The following FBP2 variants were observed in gnomAD, a reference collection of about 807,000 sequenced individuals.
FBP2 encodes fructose-bisphosphatase 2.
In FBP2, 27 loss-of-function variants were observed where a neutral mutation model predicts 31.6. The observed-to-expected ratio is 0.85, with a 90% CI of 0.63 to 1.18. The LOEUF is 1.18. FBP2 is among the 50% of genes most tolerant of loss of function. FBP2 has a pLI of 0.00. For missense variants in FBP2, 421 were observed against 436.1 expected, an observed-to-expected ratio of 0.97 and a Z score of 0.31; for synonymous variants, 168 against 179.8, an observed-to-expected ratio of 0.93 and a Z score of 0.53.
chr9:94,574,588 G>C (rs1827299102), intron 3 of FBP2, among the ~76,000 whole-genome samples: 1 of 151,956 alleles, frequency 6.6e-6, no homozygotes, highest in African/African-American at 2.4e-5. Context: ...GATTGTCATT[G>C]CCTTCTTATT....
intron 3 of FBP2, among the ~76,000 whole-genome samples, 168 bp from the exon 4 acceptor site, chr9:94,571,770 AGTTC>A (rs1392322450): frequency 6.6e-6 from 1 of 152,250 alleles, no homozygotes. Context: ...TGTTGCCAAC[AGTTC>A]TAGCTGAGCC....
intron 1 of FBP2, among the ~76,000 whole-genome samples, chr9:94,589,457 C>A (rs975025052): frequency 1.3e-5 from 2 of 152,230 alleles, no homozygotes; most frequent in African/African-American, 4.8e-5. Flanking sequence ...TGGCTTCCTG[C>A]TGCATGACCT....
rs201836322 is a variant in FBP2, at chr9:94,579,424, G to T, written c.426+5153C>A. 3.3e-3 allele frequency among the ~76,000 whole-genome samples: 473 copies of T among 141,800 alleles called. 5 individuals carry two copies. The highest frequency in any genetic ancestry group is 0.01 in the African/African-American group (399 of 39,854). 93.0% of individuals were successfully genotyped at this position (141,800 alleles called of 152,430 possible). A position where few individuals can be genotyped will look rare whatever the true frequency, so the allele number is the denominator to read the frequency against. On this transcript the variant is annotated intron_variant, in intron 3 of 6. Transcript: ENST00000375337. The stretch of plus-strand genomic sequence containing the variant: ...AAAAAAAAAAAAAAAAAAAAAAGTT[G>T]TATGGTAAATTCTTGTCCTAAAAAT...
chr9:94,586,212 T>G (rs1042950613), intron 2 of FBP2, among the ~76,000 whole-genome samples: 1 of 151,962 alleles, frequency 6.6e-6, no homozygotes, highest in African/African-American at 2.4e-5. Flanking sequence ...CCGTCTCTAC[T>G]AAAAACACAA....
At chr9:94,570,817 A>C (rs546608358) in intron 4 of FBP2, 5 of 152,198 alleles carry the variant, frequency 3.3e-5, no homozygotes, top group Non-Finnish European at 7.3e-5. Context: ...CATGTGCACT[A>C]ACACGTGAAC....
chr9:94,560,143 C>T (rs1450310060), intron 6 of FBP2, among the ~76,000 whole-genome samples: 1 of 152,110 alleles, frequency 6.6e-6, no homozygotes, highest in East Asian at 1.9e-4. Context: ...AGAAAGTGTC[C>T]AAGCAAGGCC....
chr9:94,593,703 T>C lies in FBP2; in HGVS notation c.24A>G (p.Glu8=), dbSNP rs189097557. 18 of 1,614,168 alleles carry C rather than the reference T, an allele frequency of 1.1e-5. No homozygotes were observed. In the African/African-American group the frequency reaches 2.4e-4, roughly 22 times the overall value. The change falls in exon 1 of 7, where the codon GAA becomes GAG. Residue 8 remains glutamate (E), a synonymous_variant. Coordinates refer to ENST00000375337, the MANE Select transcript of FBP2 (RefSeq NM_003837.4). The part of the protein sequence containing the change: MTDRSPF[E]TDMLTLTRYV... The stretch of plus-strand genomic sequence containing the variant: ...AGCGGGTCAGGGTGAGCATGTCGGT[T>C]TCGAAGGGGCTTCTGTCCGTCATTT...
intron 1 of FBP2, 104 bp from the exon 2 acceptor site, chr9:94,587,573 T>G: frequency 3.0e-6 from 3 of 1,002,354 alleles, no homozygotes; most frequent in Non-Finnish European, 4.6e-6. Flanking sequence ...TCTCGTTCTG[T>G]GTCTCTGGAG....
intron 1 of FBP2, among the ~76,000 whole-genome samples, chr9:94,592,614 A>G (rs974323913): frequency 6.6e-6 from 1 of 152,166 alleles, no homozygotes; most frequent in Admixed American, 6.5e-5. Flanking sequence ...GACTCACCGC[A>G]ACCTCCATCT....
intron 5 of FBP2, among the ~76,000 whole-genome samples, chr9:94,563,967 A>C (rs556905944): frequency 5.3e-5 from 8 of 152,178 alleles, no homozygotes; most frequent in African/African-American, 1.9e-4. Context: ...CACCTAACAC[A>C]GGGGCACCCA....
At chr9:94,589,057 T>C (rs1827462241) in intron 1 of FBP2, among the ~76,000 whole-genome samples, 1 of 152,206 alleles carries the variant, frequency 6.6e-6, no homozygotes, top group Non-Finnish European at 1.5e-5. Context: ...CCCAACATCT[T>C]ACTCGATGCA....
At chr9:94,562,148 A>G (rs898782614) in intron 6 of FBP2, among the ~76,000 whole-genome samples, 7 of 151,890 alleles carry the variant, frequency 4.6e-5, no homozygotes, top group Admixed American at 4.6e-4. Flanking sequence ...CGTCTCTACT[A>G]AAAATACAAA....
rs151329702 is a variant in FBP2 at position 94,560,457 on chromosome 9, G to A, written c.826-1325C>T. Among the ~76,000 whole-genome samples, 198 of 152,180 alleles carry A rather than the reference G, an allele frequency of 1.3e-3. 1 individual carries two copies. Among genetic ancestry groups the A allele is most frequent in the Middle Eastern group, 6.8e-3 (2 of 294 alleles). ...CCCATCACCTTAGATTCAGGGTGTCGTTCTGGCCGAGGCCCTGCTGCTGTG... is the reference window on the plus strand; with the variant it reads ...CCCATCACCTTAGATTCAGGGTGTCATTCTGGCCGAGGCCCTGCTGCTGTG... On this transcript the variant is annotated intron_variant, in intron 6 of 6. Transcript: ENST00000375337.
At chr9:94,579,995 A>G (rs950935806) in intron 3 of FBP2, among the ~76,000 whole-genome samples, 1 of 152,182 alleles carries the variant, frequency 6.6e-6, no homozygotes, top group Admixed American at 6.5e-5. Context: ...AGAATTATCT[A>G]TTTCCCTGAT....
In FBP2 at chr9:94,587,523, A is replaced by G. The variant is rs535386777; in HGVS notation, c.171-54T>C. 81 of 1,567,288 alleles carry G rather than the reference A, an allele frequency of 5.2e-5. No homozygotes were observed. The African/African-American group carries it at 1.1e-3, about 21-fold the overall frequency. The stretch of plus-strand genomic sequence containing the variant: ...GTCACTAGGGGGTCTTAACTCCAGC[A>G]AAGAGCCTGGGACCCTAAAACGCCA... On this transcript the variant is annotated intron_variant, in intron 1 of 6. Coordinates refer to ENST00000375337, the MANE Select transcript of FBP2 (RefSeq NM_003837.4).
chr9:94,564,535 T>G (rs1314392289), intron 5 of FBP2, among the ~76,000 whole-genome samples: 1 of 152,174 alleles, frequency 6.6e-6, no homozygotes, highest in Admixed American at 6.5e-5. Flanking sequence ...GAAGGCCTAA[T>G]TATCTTAAGT....
chr9:94,561,142 C>G (rs1041396070), intron 6 of FBP2, among the ~76,000 whole-genome samples: 3 of 152,054 alleles, frequency 2.0e-5, no homozygotes, highest in African/African-American at 4.8e-5. Flanking sequence ...TTTGGGGTAT[C>G]AGATAATAAA....
chr9:94,565,457 T>G (rs983329468), intron 5 of FBP2, among the ~76,000 whole-genome samples: 7 of 152,218 alleles, frequency 4.6e-5, no homozygotes, highest in African/African-American at 1.7e-4. Context: ...TCTTATATTT[T>G]TTGTTGTCTT....
At position 94,563,954 on chromosome 9, in the gene FBP2, A is replaced by C. The variant is rs367670891; in HGVS notation, c.706-493T>G. ...AGAAGACTTAACTATCCTAAATAAT[A>C]TGCACCTAACACAGGGGCACCCAGA... On this transcript the variant is annotated intron_variant, in intron 5 of 6. Coordinates refer to ENST00000375337, the MANE Select transcript of FBP2 (RefSeq NM_003837.4). 4.6e-5 allele frequency among the ~76,000 whole-genome samples: 7 copies of C among 152,334 alleles called. No homozygotes were observed. The East Asian group carries it at 1.2e-3, about 25-fold the overall frequency.
Sources: gnomAD v4.1 joint callset for allele counts (sites outside exome capture counted in the v4.1 genomes callset) on GRCh38, gnomAD v4.1.1 for gene constraint, MANE v1.5 for transcripts, NCBI Gene and HGNC (gene_info 2026-07-23, HGNC 2026-07-21) for gene names.